The following SLC6A11 variants were observed in gnomAD, a reference collection of about 807,000 sequenced individuals.
SLC6A11 encodes sodium- and chloride-dependent GABA transporter 3.
SLC6A11 carries 25 observed loss-of-function variants against 74.8 expected under a neutral mutation model. That is an observed-to-expected ratio of 0.33 (90% CI 0.24 to 0.47). The LOEUF (loss-of-function observed/expected upper bound fraction) is 0.47, where lower values mean the gene tolerates loss of function less well. SLC6A11 is among the 20% of genes least tolerant of loss of function. The probability of loss-of-function intolerance (pLI) is 1.00; values close to 1 mark genes in which losing one functional copy is unlikely to be tolerated. For missense variants in SLC6A11, 574 were observed against 837.0 expected, an observed-to-expected ratio of 0.69 and a Z score of 3.88; for synonymous variants, 330 against 330.2, an observed-to-expected ratio of 1.00 and a Z score of 0.01.
At chr3:10,903,556 A>T (rs1009433332) in intron 6 of SLC6A11, among the ~76,000 whole-genome samples, 1 of 152,236 alleles carries the variant, frequency 6.6e-6, no homozygotes, top group Admixed American at 6.5e-5. Context: ...TGACAGCTTC[A>T]GCCTCCATTC....
Position 10,926,250 on chromosome 3 carries a change from CCCCCA to C in SLC6A11, c.1233+135_1233+139del. ...CTGGCATCAGGGCCCTGCCCACCGT[CCCCCA>C]TTCCACCCTCCACTTCCCTCCCAGC... On this transcript the variant is annotated intron_variant, in intron 9 of 13. Coordinates refer to ENST00000254488, the MANE Select transcript of SLC6A11 (RefSeq NM_014229.3). This position sits in a 1 kb window ranked among gnomAD's most constrained non-coding sequence, Gnocchi z 5.7. 1 of 632,920 alleles carries C rather than the reference CCCCCA, an allele frequency of 1.6e-6. No homozygotes were observed. The highest frequency in any genetic ancestry group is 2.8e-6 in the Non-Finnish European group (1 of 354,482). 39.2% of individuals were successfully genotyped at this position (632,920 alleles called of 1,614,324 possible).
rs141925103 is a variant in SLC6A11 at position 10,881,893 on chromosome 3, G to A, written c.891+6798G>A. Among the ~76,000 whole-genome samples the A allele has an allele frequency of 2.6e-5, 4 of 152,298 alleles. No individual in the cohort carries two copies. In the East Asian group the frequency reaches 7.7e-4, roughly 29 times the overall value. On this transcript the variant is annotated intron_variant, in intron 6 of 13. Coordinates refer to ENST00000254488, the MANE Select transcript of SLC6A11 (RefSeq NM_014229.3). ...TCCCCTTCCCTCAGGATTACAAGGG[G>A]CTCAGACATGCCTATTTGCTGTGTC... is the stretch of plus-strand genomic sequence containing the variant.
chr3:10,909,266 C>G (rs1695352184), intron 6 of SLC6A11, among the ~76,000 whole-genome samples: 1 of 151,928 alleles, frequency 6.6e-6, no homozygotes, highest in Admixed American at 6.5e-5. Context: ...AGGTAGCTTT[C>G]CAAAGTAAAA....
chr3:10,889,765 G>A (rs1695086223), intron 6 of SLC6A11, among the ~76,000 whole-genome samples: 1 of 152,174 alleles, frequency 6.6e-6, no homozygotes, highest in Non-Finnish European at 1.5e-5. Context: ...ACTGAAGGCA[G>A]GCTGAGGCCT....
chr3:10,871,409 T>A (rs1694827233), intron 5 of SLC6A11, among the ~76,000 whole-genome samples: 3 of 152,342 alleles, frequency 2.0e-5, no homozygotes, highest in Admixed American at 6.5e-5. Flanking sequence ...CTGGAACACT[T>A]CAGCTCCTGG....
intron 4 of SLC6A11, among the ~76,000 whole-genome samples, chr3:10,831,387 T>A (rs1694295049): frequency 6.6e-6 from 1 of 152,280 alleles, no homozygotes; most frequent in South Asian, 2.1e-4. Context: ...TATTCTTAAA[T>A]ATGATATGTA....
chr3:10,819,367 A>G (rs2106569132), intron 1 of SLC6A11, 98 bp from the exon 2 acceptor site: 2 of 1,251,156 alleles, frequency 1.6e-6, no homozygotes, highest in Non-Finnish European at 2.2e-6. Flanking sequence ...TTCAAAGAAC[A>G]TCATGTCTGG....
intron 5 of SLC6A11, among the ~76,000 whole-genome samples, chr3:10,849,459 C>G (rs938779506): frequency 1.3e-5 from 2 of 152,144 alleles, no homozygotes; most frequent in Non-Finnish European, 2.9e-5. Flanking sequence ...TTGGATACCT[C>G]TCATCCAATT....
chr3:10,825,670 T>G (rs897104717), intron 4 of SLC6A11, among the ~76,000 whole-genome samples: 1 of 152,028 alleles, frequency 6.6e-6, no homozygotes, highest in Non-Finnish European at 1.5e-5. Flanking sequence ...AGTTTTACAG[T>G]TTTTTTTCAT....
intron 4 of SLC6A11, among the ~76,000 whole-genome samples, chr3:10,840,424 T>A (rs1420046657): frequency 6.6e-6 from 1 of 152,174 alleles, no homozygotes; most frequent in African/African-American, 2.4e-5. Flanking sequence ...TCCCCCACCT[T>A]TCTCTGTGCC....
At chr3:10,930,258 CTTTG>C (rs1302889915) in intron 10 of SLC6A11, among the ~76,000 whole-genome samples, 2 of 152,058 alleles carry the variant, frequency 1.3e-5, no homozygotes, top group African/African-American at 2.4e-5. Flanking sequence ...GCTCCTAGCA[CTTTG>C]TTTGTAGCTC....
intron 4 of SLC6A11, among the ~76,000 whole-genome samples, chr3:10,830,510 A>C (rs1694280799): frequency 6.6e-6 from 1 of 152,244 alleles, no homozygotes; most frequent in Admixed American, 6.5e-5. Context: ...TGAGAGCACC[A>C]ACAACCAAAT....
In SLC6A11 at chr3:10,895,198, C is replaced by T. The variant is rs373306340; in HGVS notation, c.892-16892C>T. Among the ~76,000 whole-genome samples the T allele has an allele frequency of 6.6e-5, 10 of 152,250 alleles. No homozygotes were observed. The South Asian group carries it at 1.5e-3, about 22-fold the overall frequency. The stretch of plus-strand genomic sequence containing the variant: ...GCTGCTGAGATAATGCAAGAGAATC[C>T]ACTCACCTTTTTTAAAACTTAATTT... On this transcript the variant is annotated intron_variant, in intron 6 of 13. Coordinates refer to ENST00000254488, the MANE Select transcript of SLC6A11 (RefSeq NM_014229.3).
At chr3:10,888,361 A>G (rs891877754) in intron 6 of SLC6A11, among the ~76,000 whole-genome samples, 7 of 152,222 alleles carry the variant, frequency 4.6e-5, no homozygotes, top group Non-Finnish European at 8.8e-5. Flanking sequence ...GCTGCTATCA[A>G]ATGACCTTGA....
chr3:10,934,426 C>T (rs1359202706), intron 12 of SLC6A11, among the ~76,000 whole-genome samples: 1 of 152,172 alleles, frequency 6.6e-6, no homozygotes, highest in Non-Finnish European at 1.5e-5. Flanking sequence ...GTGCTGCATA[C>T]GCAAATCGGG....
chr3:10,935,067 C>T lies in SLC6A11; in HGVS notation c.1614C>T (p.Leu538=), dbSNP rs1238049730. The part of the protein sequence containing the change: ...FIFFLIKYKP[L]KYNNIYTYPA... ...TCTTCTTGATCAAGTACAAGCCACT[C>T]AAGTACAACAACATCTACACCTACC... Residue 538 remains leucine (L), a synonymous_variant, in exon 13 of 14, where the codon CTC becomes CTT. Coordinates refer to ENST00000254488, the MANE Select transcript of SLC6A11 (RefSeq NM_014229.3). 3 of 1,613,836 alleles carry T rather than the reference C, an allele frequency of 1.9e-6. No individual in the cohort carries two copies. The highest frequency in any genetic ancestry group is 2.2e-5 in the South Asian group (2 of 91,054).
At chr3:10,844,745 C>T (rs1377637573) in intron 5 of SLC6A11, among the ~76,000 whole-genome samples, 1 of 152,158 alleles carries the variant, frequency 6.6e-6, no homozygotes, top group East Asian at 1.9e-4. Context: ...CACTGACAGA[C>T]CCCAAGATCT....
chr3:10,906,718 C>G (rs747133872), intron 6 of SLC6A11, among the ~76,000 whole-genome samples: 9 of 152,120 alleles, frequency 5.9e-5, no homozygotes, highest in Non-Finnish European at 1.2e-4. Flanking sequence ...TTACGGGAAG[C>G]AGACTCCAAA....
intron 7 of SLC6A11, among the ~76,000 whole-genome samples, chr3:10,917,106 T>C (rs1162340614): frequency 6.6e-6 from 1 of 151,992 alleles, no homozygotes; most frequent in Non-Finnish European, 1.5e-5. Context: ...TCAAGCACAA[T>C]AAGGAATTGG....
Sources: allele counts gnomAD v4.1 joint callset (sites outside exome capture counted in the v4.1 genomes callset), GRCh38; gene constraint gnomAD v4.1.1; non-coding constraint Gnocchi (gnomAD v3.1); transcripts MANE v1.5; gene names NCBI Gene and HGNC (gene_info 2026-07-23, HGNC 2026-07-21).